SLC16A12: variants seen among roughly 807,000 people sequenced by gnomAD.
SLC16A12 encodes the protein solute carrier family 16 member 12.
SLC16A12 carries 17 observed loss-of-function variants against 42.4 expected under a neutral mutation model. The observed-to-expected ratio is 0.40, with a 90% CI of 0.27 to 0.60. SLC16A12 has a LOEUF of 0.60. SLC16A12 is among the 20% of genes least tolerant of loss of function. The probability of loss-of-function intolerance (pLI) is 0.42; values close to 1 mark genes in which losing one functional copy is unlikely to be tolerated. For synonymous variants in SLC16A12, 224 were observed against 229.4 expected (o/e 0.98, Z 0.21); for missense variants, 544 against 623.0 (o/e 0.87, Z 1.35).
At chr10:89,482,294 A>G (rs1842676604) in intron 2 of SLC16A12, among the ~76,000 whole-genome samples, 1 of 151,982 alleles carries the variant, frequency 6.6e-6, no homozygotes, top group Non-Finnish European at 1.5e-5. Context: ...GCTACAGACT[A>G]TGGTACAAAG....
intron 2 of SLC16A12, among the ~76,000 whole-genome samples, chr10:89,492,270 A>G (rs1273421622): frequency 6.6e-6 from 1 of 152,228 alleles, no homozygotes; most frequent in Non-Finnish European, 1.5e-5. Context: ...TCATTGGCCA[A>G]AGCATTTTAA....
intron 5 of SLC16A12, among the ~76,000 whole-genome samples, chr10:89,439,610 G>A (rs1406737544): frequency 6.6e-6 from 1 of 152,100 alleles, no homozygotes; most frequent in East Asian, 1.9e-4. Context: ...TCTGGAATTT[G>A]GATTCAAATA....
intron 2 of SLC16A12, among the ~76,000 whole-genome samples, chr10:89,465,462 C>A (rs989227781): frequency 6.6e-6 from 1 of 152,180 alleles, no homozygotes; most frequent in African/African-American, 2.4e-5. Context: ...ACTTGACCAG[C>A]TGTGAAATTT....
intron 2 of SLC16A12, 171 bp from the exon 3 acceptor site, chr10:89,462,795 TAAA>T (rs1395896439): frequency 2.9e-6 from 2 of 685,384 alleles, no homozygotes; most frequent in Non-Finnish European, 4.5e-6. Context: ...CTTTCTTTTT[TAAA>T]AATAAAATAG....
intron 2 of SLC16A12, among the ~76,000 whole-genome samples, chr10:89,501,385 A>G (rs961446327): frequency 1.3e-5 from 2 of 152,212 alleles, no homozygotes; most frequent in African/African-American, 4.8e-5. Flanking sequence ...GAGGCATCAC[A>G]TTATCCAATT....
intron 2 of SLC16A12, among the ~76,000 whole-genome samples, chr10:89,548,586 C>T (rs994715934): frequency 6.6e-6 from 1 of 151,968 alleles, no homozygotes; most frequent in East Asian, 1.9e-4. Context: ...GAGGCTGAGG[C>T]GGGTGGATCA....
intron 2 of SLC16A12, among the ~76,000 whole-genome samples, chr10:89,548,595 C>T (rs1476498342): frequency 6.6e-6 from 1 of 152,038 alleles, no homozygotes; most frequent in Non-Finnish European, 1.5e-5. Context: ...GCGGGTGGAT[C>T]ACTGGAGGTC....
At chr10:89,547,800 C>T (rs940367944) in intron 2 of SLC16A12, among the ~76,000 whole-genome samples, 4 of 151,756 alleles carry the variant, frequency 2.6e-5, no homozygotes, top group Non-Finnish European at 4.4e-5. Context: ...AGTTCAAGAC[C>T]AGCCTGGCAA....
At chr10:89,544,663 G>A (rs1458523944) in intron 2 of SLC16A12, among the ~76,000 whole-genome samples, 1 of 152,128 alleles carries the variant, frequency 6.6e-6, no homozygotes, top group African/African-American at 2.4e-5. Context: ...TAGTTCCTAT[G>A]ATATACCAGG....
intron 2 of SLC16A12, among the ~76,000 whole-genome samples, chr10:89,502,951 G>A (rs74751050): frequency 0.014 from 2,206 of 152,290 alleles, 24 homozygotes; most frequent in Non-Finnish European, 0.022. Context: ...AAACATGTGC[G>A]CTATCTACAA....
At chr10:89,452,557 C>T (rs948227038) in intron 3 of SLC16A12, among the ~76,000 whole-genome samples, 8 of 152,136 alleles carry the variant, frequency 5.3e-5, no homozygotes, top group African/African-American at 1.9e-4. Flanking sequence ...CATTTAACAG[C>T]ATTTTCCCCT....
At chr10:89,499,277 G>A (rs1034092844) in intron 2 of SLC16A12, among the ~76,000 whole-genome samples, 3 of 152,192 alleles carry the variant, frequency 2.0e-5, no homozygotes, top group African/African-American at 7.2e-5. Flanking sequence ...CAATCAAGCT[G>A]GGCACGGTGG....
intron 2 of SLC16A12, among the ~76,000 whole-genome samples, chr10:89,469,460 G>A (rs1350036408): frequency 6.6e-6 from 1 of 152,176 alleles, no homozygotes; most frequent in Non-Finnish European, 1.5e-5. Flanking sequence ...AAAGTTTTCT[G>A]AAGATATTTC....
intron 2 of SLC16A12, among the ~76,000 whole-genome samples, chr10:89,529,833 C>T (rs528979230): frequency 6.6e-6 from 1 of 152,292 alleles, no homozygotes; most frequent in African/African-American, 2.4e-5. Flanking sequence ...CAGGCATGAG[C>T]CACTGCACCC....
chr10:89,528,878 G>A lies in SLC16A12; in HGVS notation c.-47+5623C>T, dbSNP rs180975662. Among the ~76,000 whole-genome samples the A allele has an allele frequency of 3.4e-3, 525 of 152,214 alleles. 4 individuals carry two copies. Among genetic ancestry groups the A allele is most frequent in the African/African-American group, 0.012 (507 of 41,532 alleles). ...CTCAGGTGATTCTAATGTGTAGGTG[G>A]GGTTGAGAACCATTGATACAGAGTC... On this transcript the variant is annotated intron_variant, in intron 2 of 7. Coordinates refer to ENST00000371790, the MANE Select transcript of SLC16A12 (RefSeq NM_213606.4).
intron 2 of SLC16A12, among the ~76,000 whole-genome samples, chr10:89,545,724 A>G (rs1032699787): frequency 7.2e-5 from 11 of 152,354 alleles, no homozygotes; most frequent in African/African-American, 2.6e-4. Flanking sequence ...TGAATTTCAT[A>G]TGGAATCAAA....
chr10:89,537,577 G>C (rs899324756), upstream of SLC16A12, among the ~76,000 whole-genome samples: 1 of 152,174 alleles, frequency 6.6e-6, no homozygotes, highest in Admixed American at 6.5e-5. Context: ...CATTGAAAAT[G>C]AACCTGTAAA....
intron 2 of SLC16A12, among the ~76,000 whole-genome samples, chr10:89,524,727 A>C (rs1278271912): frequency 6.6e-6 from 1 of 152,176 alleles, no homozygotes; most frequent in African/African-American, 2.4e-5. Context: ...CCCCAGAAAA[A>C]GGCAAGCCTT....
chr10:89,519,853 G>A (rs1319381887), intron 2 of SLC16A12, among the ~76,000 whole-genome samples: 5 of 152,190 alleles, frequency 3.3e-5, no homozygotes, highest in Non-Finnish European at 7.3e-5. Flanking sequence ...GGTGGCTCAT[G>A]CCTGTAATCC....
Sources: gnomAD v4.1 joint callset for allele counts (sites outside exome capture counted in the v4.1 genomes callset) on GRCh38, gnomAD v4.1.1 for gene constraint, MANE v1.5 for transcripts, NCBI Gene and HGNC (gene_info 2026-07-23, HGNC 2026-07-21) for gene names.